KMT2C: variants seen among roughly 807,000 people sequenced by gnomAD.
KMT2C encodes the protein lysine methyltransferase 2C.
A neutral mutation model predicts 507.9 loss-of-function variants in KMT2C; 88 were observed. The ratio of observed to expected loss-of-function variants is 0.17; its 90% confidence interval spans 0.15 to 0.21. KMT2C has a LOEUF of 0.21. KMT2C is among the 10% of genes least tolerant of loss of function. The pLI, the probability that KMT2C is intolerant of heterozygous loss-of-function variation, is 1.00. For synonymous variants in KMT2C, 2,049 were observed against 2,080.8 expected (o/e 0.98, Z 0.42); for missense variants, 4,954 against 5,957.8 (o/e 0.83, Z 5.55).
At chr7:152,298,427 G>C (rs1038317755) in intron 6 of KMT2C, among the ~76,000 whole-genome samples, 1 of 152,114 alleles carries the variant, frequency 6.6e-6, no homozygotes, top group Non-Finnish European at 1.5e-5. Flanking sequence ...ACCTATAGAA[G>C]AACAAAGATA....
At chr7:152,257,788 C>A (rs1274359306) in intron 9 of KMT2C, among the ~76,000 whole-genome samples, 1 of 151,904 alleles carries the variant, frequency 6.6e-6, no homozygotes, top group African/African-American at 2.4e-5. Context: ...CTGGACCACA[C>A]TGAAAGAAGA....
chr7:152,234,649 C>T (rs1160895253), intron 16 of KMT2C, among the ~76,000 whole-genome samples: 1 of 152,000 alleles, frequency 6.6e-6, no homozygotes, highest in Non-Finnish European at 1.5e-5. Context: ...GCCTGTAATC[C>T]CAGCACTTTG....
chr7:152,152,617 T>C lies in KMT2C; in HGVS notation c.12526+88A>G, dbSNP rs894080376. ...ATACGCCAGCATGTTACCTGTCCGT[T>C]GTTAAAAGATAATCAGTATCTCAAA... On this transcript the variant is annotated intron_variant, in intron 49 of 58. Transcript: ENST00000262189. The C allele has an allele frequency of 2.0e-6, 3 of 1,482,088 alleles. No homozygotes were observed. In the African/African-American group the frequency reaches 4.2e-5, roughly 21 times the overall value. 91.8% of individuals were successfully genotyped at this position (1,482,088 alleles called of 1,614,324 possible). A position where few individuals can be genotyped will look rare whatever the true frequency, so the allele number is the denominator to read the frequency against.
chr7:152,241,434 C>T (rs1423402120), intron 14 of KMT2C, among the ~76,000 whole-genome samples: 1 of 152,282 alleles, frequency 6.6e-6, no homozygotes, highest in Non-Finnish European at 1.5e-5. Flanking sequence ...TTGTGATCCA[C>T]CAGCCTTGGC....
chr7:152,313,337 C>T (rs1424930680), intron 4 of KMT2C, among the ~76,000 whole-genome samples: 1 of 151,848 alleles, frequency 6.6e-6, no homozygotes, highest in Non-Finnish European at 1.5e-5. Context: ...TGTAAAAAAA[C>T]CAAGAGAATG....
At chr7:152,434,655 G>A (rs1268482406) in intron 1 of KMT2C, among the ~76,000 whole-genome samples, 1 of 152,056 alleles carries the variant, frequency 6.6e-6, no homozygotes, top group Non-Finnish European at 1.5e-5. Flanking sequence ...GTTCTTCCAC[G>A]GCACACGCGA....
At chr7:152,147,932 T>C in intron 52 of KMT2C, 101 bp downstream of exon 52, 3 of 1,267,274 alleles carry the variant, frequency 2.4e-6, no homozygotes, top group Non-Finnish European at 3.2e-6. Flanking sequence ...TTATAAAATA[T>C]AAAACTAACA....
Position 152,135,444 on chromosome 7 carries a change from T to C in KMT2C, c.*1388A>G, listed in dbSNP as rs879053176. On this transcript the variant is annotated 3_prime_UTR_variant, in exon 59 of 59. Transcript: ENST00000262189. ...TAAACAAACAGTTCATACAAACACA[T>C]TTTAAAATTACATCTTCCAAAAACC... 2.7e-5 allele frequency: 6 copies of C among 218,906 alleles called. No homozygotes were observed. The South Asian group carries it at 5.5e-4, about 20-fold the overall frequency. 13.6% of individuals were successfully genotyped at this position (218,906 alleles called of 1,614,324 possible).
chr7:152,180,689 T>C (rs2129118978), intron 36 of KMT2C, 22 bp downstream of exon 36: 1 of 1,535,742 alleles, frequency 6.5e-7, no homozygotes, highest in Non-Finnish European at 8.9e-7. Context: ...CATTTAAAAC[T>C]GAGAACATAC....
At chr7:152,264,894 TAA>T in intron 8 of KMT2C, 142 bp downstream of exon 8, 1 of 792,982 alleles carries the variant, frequency 1.3e-6, no homozygotes, top group Non-Finnish European at 1.7e-6. Context: ...TAATATCCAG[TAA>T]TTTTTTTAAG....
rs190621665 is a variant in KMT2C at position 152,163,404 on chromosome 7, A to G, written c.10173T>C (p.Phe3391=). ...GTTCCCGTTCTTGAAAACTTTCACT[A>G]AAGGGATTGTTGTCATCAAATTCTA... ...PRVEFDDNNP[F]SESFQERERK... Residue 3391 remains phenylalanine, a synonymous_variant, in exon 43 of 59, where the codon TTT becomes TTC. Coordinates refer to ENST00000262189, the MANE Select transcript of KMT2C (RefSeq NM_170606.3). 30 of 1,614,168 alleles carry G rather than the reference A, an allele frequency of 1.9e-5. No individual in the cohort carries two copies. The Middle Eastern group carries it at 6.6e-4, about 36-fold the overall frequency.
chr7:152,241,637 T>C (rs1364521175), intron 14 of KMT2C, among the ~76,000 whole-genome samples: 1 of 152,216 alleles, frequency 6.6e-6, no homozygotes, highest in African/African-American at 2.4e-5. Flanking sequence ...TTTTATTGTT[T>C]GTAATTTTAT....
At chr7:152,330,868 A>G in intron 2 of KMT2C, 129 bp from the exon 3 acceptor site, 1 of 853,688 alleles carries the variant, frequency 1.2e-6, no homozygotes, top group Admixed American at 2.6e-5. Context: ...TCACTAACAC[A>G]AGAAAAGTTC....
intron 1 of KMT2C, among the ~76,000 whole-genome samples, chr7:152,434,855 G>C (rs886442790): frequency 3.9e-5 from 6 of 152,120 alleles, no homozygotes; most frequent in African/African-American, 1.4e-4. Context: ...CGAGGGAAGC[G>C]ACATTTACAT....
chr7:152,256,297 T>TA (rs1346048025), intron 9 of KMT2C, among the ~76,000 whole-genome samples: 5 of 151,534 alleles, frequency 3.3e-5, no homozygotes, highest in African/African-American at 1.2e-4. Context: ...TTAATAAATC[T>TA]AACTCCATAA....
At chr7:152,280,857 T>G (rs2096196231) in intron 6 of KMT2C, among the ~76,000 whole-genome samples, 1 of 152,220 alleles carries the variant, frequency 6.6e-6, no homozygotes, top group South Asian at 2.1e-4. Flanking sequence ...AAGATTTTTT[T>G]TTAAACATTA....
intron 1 of KMT2C, chr7:152,368,039 T>C (rs1161005042): frequency 5.9e-6 from 5 of 849,616 alleles, no homozygotes; most frequent in Non-Finnish European, 1.0e-5. Flanking sequence ...AAATAGATGA[T>C]GAAGAAGAAA....
In KMT2C at chr7:152,145,621, CA is replaced by C. The variant is rs1443614373; in HGVS notation, c.14032-327del. ...GCCTGACTGAAACACACAATACCCA[CA>C]AACACAGGGCATGTAATGATTCGCA... On this transcript the variant is annotated intron_variant, in intron 53 of 58. Transcript: ENST00000262189. 2.0e-5 allele frequency among the ~76,000 whole-genome samples: 3 copies of C among 152,230 alleles called. No individual in the cohort carries two copies. The East Asian group carries it at 5.8e-4, about 29-fold the overall frequency.
chr7:152,428,466 A>G (rs1190454179), intron 1 of KMT2C, among the ~76,000 whole-genome samples: 2 of 149,254 alleles, frequency 1.3e-5, no homozygotes, highest in Non-Finnish European at 3.0e-5. Context: ...TACAAAAAAA[A>G]AAAAAAAAAA....
Sources: gnomAD v4.1 joint callset for allele counts (sites outside exome capture counted in the v4.1 genomes callset) on GRCh38, gnomAD v4.1.1 for gene constraint, MANE v1.5 for transcripts, NCBI Gene and HGNC (gene_info 2026-07-23, HGNC 2026-07-21) for gene names.